Variants in GALNTL6 observed in about 807,000 individuals in gnomAD.
GALNTL6 encodes the protein polypeptide N-acetylgalactosaminyltransferase-like 6.
Under a neutral mutation model 73.7 loss-of-function variants are expected in GALNTL6, and 46 were observed. The observed-to-expected ratio is 0.62, with a 90% CI of 0.49 to 0.80. GALNTL6 has a LOEUF of 0.80. GALNTL6 is among the 30% of genes least tolerant of loss of function. GALNTL6 has a pLI of 0.00. For synonymous variants in GALNTL6, 259 were observed against 263.7 expected, an observed-to-expected ratio of 0.98 and a Z score of 0.17; for missense variants, 604 against 755.0, an observed-to-expected ratio of 0.80 and a Z score of 2.34.
At chr4:172,546,252 C>G (rs338000) in intron 5 of GALNTL6, among the ~76,000 whole-genome samples, 151,272 of 152,266 alleles carry the variant, frequency 0.99, 75,152 homozygotes, top group Middle Eastern at 1. Context: ...TGTGTTTTAC[C>G]AGAGGACAGA....
chr4:172,153,459 G>T (rs1734159211), intron 2 of GALNTL6, among the ~76,000 whole-genome samples: 1 of 152,110 alleles, frequency 6.6e-6, no homozygotes, highest in South Asian at 2.1e-4. Context: ...AAGATATTCA[G>T]TAAATATTTG....
At chr4:172,630,084 AT>A (rs1739330304) in intron 5 of GALNTL6, among the ~76,000 whole-genome samples, 1 of 152,132 alleles carries the variant, frequency 6.6e-6, no homozygotes, top group Non-Finnish European at 1.5e-5. Flanking sequence ...CATCACTGAG[AT>A]TTTCCCCCAA....
At chr4:172,165,264 A>G (rs1734586384) in intron 2 of GALNTL6, among the ~76,000 whole-genome samples, 1 of 152,176 alleles carries the variant, frequency 6.6e-6, no homozygotes, top group Non-Finnish European at 1.5e-5. Flanking sequence ...ATGAGATGAT[A>G]GATAAATCTA....
chr4:171,865,336 G>T lies in GALNTL6; in HGVS notation c.138+50618G>T, dbSNP rs553414058. Among the ~76,000 whole-genome samples, 122 of 152,248 alleles carry T rather than the reference G, an allele frequency of 8.0e-4. 1 individual carries two copies. Among genetic ancestry groups the T allele is most frequent in the African/African-American group, 2.8e-3 (115 of 41,556 alleles). ...CAGAAATACAGATAGGGTGAGATGA[G>T]AAAGCAACACAGAAAAACAGTAATG... On this transcript the variant is annotated intron_variant, in intron 2 of 12. Coordinates refer to ENST00000506823, the MANE Select transcript of GALNTL6 (RefSeq NM_001034845.3).
At chr4:172,421,619 T>A (rs1401168009) in intron 5 of GALNTL6, among the ~76,000 whole-genome samples, 1 of 152,038 alleles carries the variant, frequency 6.6e-6, no homozygotes, top group East Asian at 1.9e-4. Flanking sequence ...CTTTTAAAAA[T>A]TACATATGTA....
chr4:172,295,758 A>G (rs550074018), intron 3 of GALNTL6, among the ~76,000 whole-genome samples: 49 of 151,634 alleles, frequency 3.2e-4, no homozygotes, highest in Non-Finnish European at 6.3e-4. Context: ...TCTACCCACC[A>G]CCATTAACAC....
At chr4:172,183,893 A>G (rs961424797) in intron 2 of GALNTL6, among the ~76,000 whole-genome samples, 11 of 151,712 alleles carry the variant, frequency 7.3e-5, no homozygotes, top group Admixed American at 6.6e-4. Context: ...CCCAGGTTCA[A>G]GTGATTCTCC....
At chr4:171,949,196 G>A (rs1169096631) in intron 2 of GALNTL6, among the ~76,000 whole-genome samples, 1 of 152,074 alleles carries the variant, frequency 6.6e-6, no homozygotes, top group East Asian at 1.9e-4. Flanking sequence ...GCTCTGCCCA[G>A]CATTGTAGGG....
chr4:172,020,645 T>A (rs1741369737), intron 2 of GALNTL6, among the ~76,000 whole-genome samples: 1 of 150,034 alleles, frequency 6.7e-6, no homozygotes, highest in Non-Finnish European at 1.5e-5. Flanking sequence ...CAATAACAAG[T>A]GACAAGATCA....
intron 2 of GALNTL6, among the ~76,000 whole-genome samples, chr4:171,943,624 A>T (rs943059986): frequency 2.3e-4 from 35 of 152,138 alleles, no homozygotes; most frequent in African/African-American, 3.9e-4. Context: ...AAAGATCTTT[A>T]AAAAAATCTG....
intron 5 of GALNTL6, among the ~76,000 whole-genome samples, chr4:172,441,030 A>C (rs1299882315): frequency 6.6e-6 from 1 of 151,922 alleles, no homozygotes; most frequent in Non-Finnish European, 1.5e-5. Flanking sequence ...ATATTTCCAA[A>C]TTTTTTCTCA....
chr4:172,372,277 T>C (rs1002355944), intron 5 of GALNTL6, among the ~76,000 whole-genome samples: 2 of 152,152 alleles, frequency 1.3e-5, no homozygotes, highest in African/African-American at 4.8e-5. Flanking sequence ...CTCCCCATCG[T>C]CTGGGAGAAA....
intron 5 of GALNTL6, among the ~76,000 whole-genome samples, chr4:172,777,382 T>C (rs1739131220): frequency 6.6e-6 from 1 of 152,180 alleles, no homozygotes; most frequent in East Asian, 1.9e-4. Flanking sequence ...CTTACAAACA[T>C]GGCCACTGTA....
chr4:172,319,903 A>G (rs1740695347), intron 4 of GALNTL6, among the ~76,000 whole-genome samples: 1 of 152,170 alleles, frequency 6.6e-6, no homozygotes, highest in Non-Finnish European at 1.5e-5. Flanking sequence ...GTAAGAAAGG[A>G]ATTTGTGGTA....
At chr4:171,824,431 A>G (rs1734772021) in intron 2 of GALNTL6, among the ~76,000 whole-genome samples, 1 of 152,062 alleles carries the variant, frequency 6.6e-6, no homozygotes, top group Non-Finnish European at 1.5e-5. Context: ...TCTCATTTCT[A>G]AAAAGAGTAT....
At chr4:172,026,080 T>A (rs532675659) in intron 2 of GALNTL6, among the ~76,000 whole-genome samples, 1 of 152,118 alleles carries the variant, frequency 6.6e-6, no homozygotes, top group South Asian at 2.1e-4. Flanking sequence ...AAAAGCAATA[T>A]TCAAAATTAT....
chr4:172,364,657 T>A (rs1403593569), intron 5 of GALNTL6, among the ~76,000 whole-genome samples: 1 of 152,190 alleles, frequency 6.6e-6, no homozygotes, highest in Non-Finnish European at 1.5e-5. Flanking sequence ...GATAAATATT[T>A]ATTGAACTAT....
intron 9 of GALNTL6, among the ~76,000 whole-genome samples, chr4:172,940,669 A>T (rs978100940): frequency 4.2e-5 from 5 of 119,672 alleles, no homozygotes; most frequent in African/African-American, 1.6e-4. Flanking sequence ...CCAACATTTT[A>T]TTATTATTAT....
intron 5 of GALNTL6, among the ~76,000 whole-genome samples, chr4:172,621,942 C>T (rs572988356): frequency 7.6e-4 from 116 of 152,152 alleles, no homozygotes; most frequent in African/African-American, 2.7e-3. Flanking sequence ...ACCAATCTAA[C>T]GGCATTCATG....
Sources: allele counts gnomAD v4.1 joint callset (sites outside exome capture counted in the v4.1 genomes callset), GRCh38; gene constraint gnomAD v4.1.1; transcripts MANE v1.5; gene names NCBI Gene and HGNC (gene_info 2026-07-23, HGNC 2026-07-21).